Variants in ZSCAN23 observed in about 807,000 individuals in gnomAD.
ZSCAN23 encodes the protein zinc finger and SCAN domain-containing protein 23.
Under a neutral mutation model 19.3 loss-of-function variants are expected in ZSCAN23, and 19 were observed. The observed-to-expected ratio is 0.99, with a 90% confidence interval of 0.69 to 1.45. ZSCAN23 has a LOEUF of 1.45. Among genes scored for constraint, ZSCAN23 ranks in the 40% most tolerant of loss-of-function variants. The pLI is 0.00. For missense variants in ZSCAN23, 372 were observed against 462.5 expected (o/e 0.80, Z 1.79); for synonymous variants, 140 against 166.2 (o/e 0.84, Z 1.21).
At position 28,437,568 on chromosome 6, in the gene ZSCAN23, G is replaced by A. The variant is rs983027022; in HGVS notation, c.-77-1225C>T. Among the ~76,000 whole-genome samples, 4 of 152,226 alleles carry A rather than the reference G, an allele frequency of 2.6e-5. No individual in the cohort carries two copies. In the East Asian group the frequency reaches 7.7e-4, roughly 29 times the overall value. ...ACTGCACTCTAGCCTGGGCGACAGA[G>A]CAAGACTCTGTCTCAAAAAAACAAA... On this transcript the variant is annotated intron_variant, in intron 1 of 3. Coordinates refer to ENST00000289788, the MANE Select transcript of ZSCAN23 (RefSeq NM_001012455.2).
intron 1 of ZSCAN23, among the ~76,000 whole-genome samples, 188 bp from the exon 2 acceptor site, chr6:28,436,531 C>T (rs1431671653): frequency 6.6e-6 from 1 of 151,980 alleles, no homozygotes; most frequent in Non-Finnish European, 1.5e-5. Context: ...GGAACAAAAA[C>T]GCCTACAGTT....
intron 1 of ZSCAN23, among the ~76,000 whole-genome samples, chr6:28,437,255 C>T (rs1437335545): frequency 6.6e-6 from 1 of 152,124 alleles, no homozygotes; most frequent in Non-Finnish European, 1.5e-5. Flanking sequence ...TTCTCTTGCC[C>T]TTTAATTTCT....
chr6:28,426,381 T>C, the ZSCAN23 span, among the ~76,000 whole-genome samples: 1 of 152,162 alleles, frequency 6.6e-6, no homozygotes, highest in Non-Finnish European at 1.5e-5. Flanking sequence ...ATTTCAACAC[T>C]GTGTGTCTCA....
intron 1 of ZSCAN23, among the ~76,000 whole-genome samples, chr6:28,441,952 C>G (rs1762011074): frequency 6.7e-6 from 1 of 149,274 alleles, no homozygotes; most frequent in Non-Finnish European, 1.5e-5. Context: ...TCTCGGCTCA[C>G]TTGCAACCTC....
Position 28,434,397 on chromosome 6 carries a change from A to G in ZSCAN23, c.*68T>C. ...GGAATTTTTACTGGCTTTCCCTTGA[A>G]CTTTTCTATGCTAGAGGACACAGCA... On this transcript the variant is annotated 3_prime_UTR_variant, in exon 4 of 4. Coordinates refer to ENST00000289788, the MANE Select transcript of ZSCAN23 (RefSeq NM_001012455.2). 6.9e-7 allele frequency: 1 copy of G among 1,449,062 alleles called. No individual in the cohort carries two copies. Among genetic ancestry groups the G allele is most frequent in the Non-Finnish European group, 9.1e-7 (1 of 1,096,722 alleles). The allele number at this position is 1,449,062 out of a possible 1,614,324, so 89.8% of individuals were successfully genotyped here.
chr6:28,427,766 C>G (rs1221218153), downstream of ZSCAN23, among the ~76,000 whole-genome samples: 1 of 152,110 alleles, frequency 6.6e-6, no homozygotes, highest in African/African-American at 2.4e-5. Context: ...CTTCGTAGCT[C>G]TTATTCTGCC....
At chr6:28,427,229 A>C (rs1761674709), downstream of ZSCAN23, among the ~76,000 whole-genome samples, 1 of 152,244 alleles carries the variant, frequency 6.6e-6, no homozygotes, top group Admixed American at 6.5e-5. Flanking sequence ...TTTTCCTACC[A>C]GATGCCCCTG....
chr6:28,423,943 C>A, the ZSCAN23 span, among the ~76,000 whole-genome samples: 1 of 152,044 alleles, frequency 6.6e-6, no homozygotes, highest in Non-Finnish European at 1.5e-5. Flanking sequence ...TCAGTTACTT[C>A]AAGAGTGAAG....
rs941285594 is a variant in ZSCAN23 at position 28,435,309 on chromosome 6, C to T, written c.556+151G>A. ...GCCTCTCCCACTAGACTGTAAACTT[C>T]GTGAGAGTGGGGACCACATCTGCCT... On this transcript the variant is annotated intron_variant, in intron 3 of 3. Coordinates refer to ENST00000289788, the MANE Select transcript of ZSCAN23 (RefSeq NM_001012455.2). The T allele has an allele frequency of 6.9e-6, 8 of 1,165,988 alleles. No homozygotes were observed. The East Asian group carries it at 7.7e-5, about 11-fold the overall frequency. The allele number at this position is 1,165,988 out of a possible 1,614,324, so 72.2% of individuals were successfully genotyped here. A position where few individuals can be genotyped will look rare whatever the true frequency, so the allele number is the denominator to read the frequency against.
At chr6:28,441,874 A>ATTTTTT (rs371867784) in intron 1 of ZSCAN23, among the ~76,000 whole-genome samples, 4 of 130,944 alleles carry the variant, frequency 3.1e-5, no homozygotes, top group Admixed American at 1.6e-4. Context: ...CTGGTTGTTA[A>ATTTTTT]TTTTTTTTTT....
At chr6:28,435,823 T>C in intron 2 of ZSCAN23, 36 bp downstream of exon 2, 2 of 1,520,562 alleles carry the variant, frequency 1.3e-6, no homozygotes, top group Non-Finnish European at 1.8e-6. Flanking sequence ...ATACTTGTTC[T>C]TATAGGTACA....
rs919020332 is a variant in ZSCAN23 at position 28,433,862 on chromosome 6, T to C, written c.*603A>G. ...TAAATTTAAAATCATGAGCAATATTTGTTATGAGGAGCCACTGAGCTGCTA... is the reference window on the plus strand; with the variant it reads ...TAAATTTAAAATCATGAGCAATATTCGTTATGAGGAGCCACTGAGCTGCTA... On this transcript the variant is annotated 3_prime_UTR_variant, in exon 4 of 4. Coordinates refer to ENST00000289788, the MANE Select transcript of ZSCAN23 (RefSeq NM_001012455.2). 4 of 152,192 alleles carry C rather than the reference T, an allele frequency of 2.6e-5. No individual in the cohort carries two copies. The highest frequency in any genetic ancestry group is 6.5e-5 in the Admixed American group (1 of 15,278). The allele number at this position is 152,192 out of a possible 1,614,324, so 9.4% of individuals were successfully genotyped here.
In ZSCAN23 at chr6:28,434,748, T is replaced by C; in HGVS notation, c.887A>G (p.Gln296Arg). ...FSQRSGLFQH[Q>R]RLHTGEKRYQ... Reference sequence around the variant, plus strand: ...GCGCTTCTCCCCAGTGTGGAGTCTCTGGTGCTGGAATAGGCCTGACCTCTG... The same window carrying C: ...GCGCTTCTCCCCAGTGTGGAGTCTCCGGTGCTGGAATAGGCCTGACCTCTG... Residue 296 changes from glutamine to arginine, a missense_variant, in exon 4 of 4, where the codon CAG becomes CGG. Transcript: ENST00000289788. 2 of 1,603,048 alleles carry C rather than the reference T, an allele frequency of 1.2e-6. No homozygotes were observed. The highest frequency in any genetic ancestry group is 1.7e-5 in the Admixed American group (1 of 57,998).
rs569835258 is a variant in ZSCAN23, at chr6:28,434,422, A to T, written c.*43T>A. 2 of 1,486,654 alleles carry T rather than the reference A, an allele frequency of 1.3e-6. No homozygotes were observed. The highest frequency in any genetic ancestry group is 4.6e-5 in the Admixed American group (2 of 43,690). 92.1% of individuals were successfully genotyped at this position (1,486,654 alleles called of 1,614,324 possible). ...ACTTTTCTATGCTAGAGGACACAGC[A>T]GGGACAAAGTAAGAAATATTATCCC... On this transcript the variant is annotated 3_prime_UTR_variant, in exon 4 of 4. Transcript: ENST00000289788.
chr6:28,427,185 T>C (rs767854036), downstream of ZSCAN23, among the ~76,000 whole-genome samples: 35 of 152,196 alleles, frequency 2.3e-4, no homozygotes, highest in Non-Finnish European at 5.0e-4. Flanking sequence ...CAGGGCCCCC[T>C]TGGTACACAA....
At chr6:28,428,468 T>C (rs1761697548), downstream of ZSCAN23, among the ~76,000 whole-genome samples, 1 of 152,244 alleles carries the variant, frequency 6.6e-6, no homozygotes, top group South Asian at 2.1e-4. Context: ...GTTCTCTCAG[T>C]ACCTTTTCTT....
In ZSCAN23 at chr6:28,436,236, C is replaced by G; in HGVS notation, c.31G>C (p.Glu11Gln). MAITLTLQTA[E>Q]MQEGLLAVKV... is the part of the protein sequence containing the mutation. ...ACTGCCAGAAGTCCTTCCTGCATCT[C>G]TGCAGTCTGAAGGGTCAAGGTTATG... The change falls in exon 2 of 4, where the codon GAG (glutamate) becomes CAG (glutamine). Residue 11 changes from glutamate (E) to glutamine (Q), a missense_variant. Coordinates refer to ENST00000289788, the MANE Select transcript of ZSCAN23 (RefSeq NM_001012455.2). The G allele has an allele frequency of 2.6e-6, 4 of 1,551,510 alleles. No homozygotes were observed. In the African/African-American group the frequency reaches 4.1e-5, roughly 16 times the overall value.
At chr6:28,429,011 T>A (rs1761705264), downstream of ZSCAN23, among the ~76,000 whole-genome samples, 1 of 152,222 alleles carries the variant, frequency 6.6e-6, no homozygotes, top group Non-Finnish European at 1.5e-5. Flanking sequence ...TGCACCCACC[T>A]TCATTTACTT....
In ZSCAN23 at chr6:28,434,840, G is replaced by A. The variant is rs1184732051; in HGVS notation, c.795C>T (p.Ile265=). Residue 265 remains isoleucine, a synonymous_variant, in exon 4 of 4, where the codon ATC becomes ATT. Transcript: ENST00000289788. ...CACCTGTGTGTGTTCTCTGGTGCTC[G>A]ATAAGGATGGAATTCTGGGTGAAGC... The part of the protein sequence containing the change: ...GKSFTQNSIL[I]EHQRTHTGEK... 8.2e-6 allele frequency: 13 copies of A among 1,585,818 alleles called. No individual in the cohort carries two copies. Among genetic ancestry groups the A allele is most frequent in the African/African-American group, 4.0e-5 (3 of 74,128 alleles).
Sources: gnomAD v4.1 joint callset for allele counts (sites outside exome capture counted in the v4.1 genomes callset) on GRCh38, gnomAD v4.1.1 for gene constraint, MANE v1.5 for transcripts, NCBI Gene and HGNC (gene_info 2026-07-23, HGNC 2026-07-21) for gene names.